Variants in OTOG observed in about 807,000 individuals in gnomAD.
OTOG encodes otogelin.
Under a neutral mutation model 313.8 loss-of-function variants are expected in OTOG, and 296 were observed. That is an observed-to-expected ratio of 0.94 (90% CI 0.86 to 1.04). The LOEUF (loss-of-function observed/expected upper bound fraction) is 1.04, where lower values mean the gene tolerates loss of function less well. Among genes scored for constraint, OTOG ranks in the 50% least tolerant of loss-of-function variants. The pLI, the probability that OTOG is intolerant of heterozygous loss-of-function variation, is 0.00. For synonymous variants in OTOG, 1,533 were observed against 1,554.9 expected (o/e 0.99, Z 0.33); for missense variants, 3,948 against 3,840.1 (o/e 1.03, Z -0.74).
At chr11:17,558,690 G>A (rs781146651) in intron 10 of OTOG, 46 bp downstream of exon 10, 1 of 1,515,572 alleles carries the variant, frequency 6.6e-7, no homozygotes, top group South Asian at 1.2e-5. Context: ...TAGTATTGGG[G>A]TGAGTGCTCA....
Position 17,573,190 on chromosome 11 carries a change from C to T in OTOG, c.2193C>T (p.Arg731=), listed in dbSNP as rs968985687. The change falls in exon 19 of 56, where the codon CGC becomes CGT. Residue 731 remains arginine, a synonymous_variant. Transcript: ENST00000399397. Reference sequence around the variant, plus strand: ...AGCAGTGCCGCAGGGATGCCTGCCGCTGCGGGCAGCCCTGCCTGTGCGCCA... The same window carrying T: ...AGCAGTGCCGCAGGGATGCCTGCCGTTGCGGGCAGCCCTGCCTGTGCGCCA... ...YFEQCRRDAC[R]CGQPCLCATL... 2 of 1,539,920 alleles carry T rather than the reference C, an allele frequency of 1.3e-6. No individual in the cohort carries two copies. The highest frequency in any genetic ancestry group is 2.7e-5 in the African/African-American group (2 of 73,060).
chr11:17,569,318 T>C (rs1852358217), intron 16 of OTOG, 30 bp downstream of exon 16: 1 of 1,549,842 alleles, frequency 6.5e-7, no homozygotes, highest in Non-Finnish European at 8.7e-7. Flanking sequence ...ACAGACCTAG[T>C]TGGGAACTGA....
At chr11:17,600,983 G>A (rs1311377778) in intron 31 of OTOG, among the ~76,000 whole-genome samples, 1 of 152,206 alleles carries the variant, frequency 6.6e-6, no homozygotes, top group African/African-American at 2.4e-5. Context: ...GGCTCACGCC[G>A]CCTCTCTAGC....
intron 47 of OTOG, 140 bp downstream of exon 47, chr11:17,635,851 C>A (rs1361991780): frequency 7.1e-6 from 5 of 699,882 alleles, no homozygotes; most frequent in Non-Finnish European, 1.2e-5. Context: ...GCAGCTGAAT[C>A]CAGGACGAGT....
rs876657557 is a variant in OTOG at position 17,612,257 on chromosome 11, C to G, written c.6219C>G (p.Pro2073=). 6.5e-6 allele frequency: 10 copies of G among 1,546,796 alleles called. No individual in the cohort carries two copies. The highest frequency in any genetic ancestry group is 1.4e-5 in the African/African-American group (1 of 73,038). ...QSQHCPQGAA[P]PRCGILGLAV... is the part of the protein sequence containing the mutation. ...AGCACTGTCCCCAGGGTGCTGCTCC[C>G]CCTCGCTGTGGGATCCTGGGCCTCG... Residue 2073 remains proline, a synonymous_variant, in exon 37 of 56, where the codon CCC becomes CCG. Coordinates refer to ENST00000399397, the MANE Select transcript of OTOG (RefSeq NM_001292063.2).
intron 31 of OTOG, 84 bp downstream of exon 31, chr11:17,599,781 G>C (rs917733590): frequency 1.4e-6 from 2 of 1,464,822 alleles, no homozygotes; most frequent in African/African-American, 2.8e-5. Context: ...CAGCCATCCC[G>C]AGGCGCTGCT....
intron 47 of OTOG, among the ~76,000 whole-genome samples, chr11:17,637,552 T>C (rs969523461): frequency 3.3e-5 from 5 of 152,160 alleles, no homozygotes; most frequent in African/African-American, 1.2e-4. Context: ...ATCTAAGGAT[T>C]GATGGGTTCA....
chr11:17,604,636 C>T (rs529436907), intron 32 of OTOG, among the ~76,000 whole-genome samples: 30 of 152,362 alleles, frequency 2.0e-4, no homozygotes, highest in African/African-American at 6.7e-4. Context: ...CTCTCTCCAC[C>T]CCACAGCCCC....
intron 53 of OTOG, among the ~76,000 whole-genome samples, chr11:17,642,851 TAC>T (rs1292251229): frequency 6.6e-6 from 1 of 152,104 alleles, no homozygotes; most frequent in Non-Finnish European, 1.5e-5. Flanking sequence ...ATGACACTCA[TAC>T]ACACACCCAC....
At chr11:17,599,632 G>C in intron 30 of OTOG, 39 bp from the exon 31 acceptor site, 1 of 1,549,996 alleles carries the variant, frequency 6.5e-7, no homozygotes, top group Non-Finnish European at 8.7e-7. Context: ...TCCAGGCTCT[G>C]GGCTGGCTCT....
chr11:17,560,858 C>A, intron 13 of OTOG, 41 bp downstream of exon 13: 1 of 1,491,184 alleles, frequency 6.7e-7, no homozygotes, highest in Non-Finnish European at 9.1e-7. Flanking sequence ...GGGGCATGGC[C>A]GCTGAGGCTT....
At chr11:17,559,015 G>A (rs1349212105) in intron 10 of OTOG, 37 bp from the exon 11 acceptor site, 4 of 1,511,146 alleles carry the variant, frequency 2.6e-6, no homozygotes, top group African/African-American at 2.8e-5. Flanking sequence ...GGCACTTTGG[G>A]TTTTGTTCCA....
chr11:17,607,240 G>A (rs1853411883), intron 33 of OTOG, among the ~76,000 whole-genome samples: 1 of 152,262 alleles, frequency 6.6e-6, no homozygotes, highest in South Asian at 2.1e-4. Context: ...GCTGGCAGCA[G>A]TGTTCAGGTT....
At chr11:17,556,340 C>A (rs1479082464) in intron 7 of OTOG, among the ~76,000 whole-genome samples, 1 of 152,184 alleles carries the variant, frequency 6.6e-6, no homozygotes, top group South Asian at 2.1e-4. Context: ...GGAGGACCAC[C>A]AGAGGAGTGG....
At position 17,634,102 on chromosome 11, in the gene OTOG, TG is replaced by T; in HGVS notation, c.7306del (p.Glu2436ArgfsTer114). On this transcript the variant is annotated frameshift_variant, in exon 44 of 56. Transcript: ENST00000399397. LOFTEE classifies it high-confidence loss of function. ...CTDSMGVPRALGETWNSSLSG... is the reference protein window; with the variant it reads ...CTDSMGVPRAXGETWNSSLSG... Reference sequence around the variant, plus strand: ...GACAGCATGGGGGTGCCGAGGGCCCTGGGGGAGACCTGGAACAGCTCCCTCA... The same window carrying T: ...GACAGCATGGGGGTGCCGAGGGCCCTGGGGAGACCTGGAACAGCTCCCTCA... The T allele has an allele frequency of 6.5e-7, 1 of 1,548,010 alleles. No individual in the cohort carries two copies.
At chr11:17,639,807 G>A (rs996160874) in intron 49 of OTOG, among the ~76,000 whole-genome samples, 2 of 151,208 alleles carry the variant, frequency 1.3e-5, no homozygotes, top group African/African-American at 4.9e-5. Flanking sequence ...TGGTAATAAT[G>A]CAATGATGGT....
In OTOG at chr11:17,609,720, G is replaced by A. The variant is rs755818807; in HGVS notation, c.4420G>A (p.Gly1474Arg). ...CAATGAGACCCTCCCTCCCAGTCAAGGGTTGCCCACTCCCAGTGATGAGGA... is the reference window on the plus strand; with the variant it reads ...CAATGAGACCCTCCCTCCCAGTCAAAGGTTGCCCACTCCCAGTGATGAGGA... ...LGNETLPPSQ[G>R]LPTPSDEEPQ... The change falls in exon 36 of 56, where the codon GGG (glycine) becomes AGG (arginine). Residue 1474 changes from glycine (G) to arginine (R), a missense_variant. Coordinates refer to ENST00000399397, the MANE Select transcript of OTOG (RefSeq NM_001292063.2). The A allele has an allele frequency of 3.9e-6, 6 of 1,541,340 alleles. No individual in the cohort carries two copies. In the South Asian group the frequency reaches 7.3e-5, roughly 19 times the overall value.
intron 6 of OTOG, among the ~76,000 whole-genome samples, chr11:17,554,778 C>T (rs1852018480): frequency 6.6e-6 from 1 of 152,192 alleles, no homozygotes; most frequent in Non-Finnish European, 1.5e-5. Context: ...GGATATGTTA[C>T]AATTACTTAG....
At chr11:17,636,786 T>A (rs139311132) in intron 47 of OTOG, among the ~76,000 whole-genome samples, 2 of 152,188 alleles carry the variant, frequency 1.3e-5, no homozygotes, top group East Asian at 3.9e-4. Flanking sequence ...AGTATGGGCA[T>A]AGTCAGTTGG....
Sources: allele counts gnomAD v4.1 joint callset (sites outside exome capture counted in the v4.1 genomes callset), GRCh38; gene constraint gnomAD v4.1.1; transcripts MANE v1.5; gene names NCBI Gene and HGNC (gene_info 2026-07-23, HGNC 2026-07-21).